Variants in ST6GALNAC3 observed in about 807,000 individuals in gnomAD.
ST6GALNAC3 encodes alpha-N-acetylgalactosaminide alpha-2,6-sialyltransferase 3.
A neutral mutation model predicts 32.7 loss-of-function variants in ST6GALNAC3; 25 were observed. The ratio of observed to expected loss-of-function variants is 0.76; its 90% CI spans 0.56 to 1.07. The LOEUF is 1.07. Among genes scored for constraint, ST6GALNAC3 ranks in the 50% least tolerant of loss-of-function variants. ST6GALNAC3 has a pLI of 0.00. For missense variants in ST6GALNAC3, 355 were observed against 382.4 expected (o/e 0.93, Z 0.60); for synonymous variants, 129 against 133.1 (o/e 0.97, Z 0.21).
chr1:76,195,320 C>T (rs753114935), intron 1 of ST6GALNAC3, among the ~76,000 whole-genome samples: 1 of 152,168 alleles, frequency 6.6e-6, no homozygotes, highest in Non-Finnish European at 1.5e-5. Context: ...TTTGAGTTTG[C>T]AACTCAAACA....
chr1:76,235,322 AT>A, intron 1 of ST6GALNAC3, among the ~76,000 whole-genome samples: 1 of 152,158 alleles, frequency 6.6e-6, no homozygotes, highest in East Asian at 1.9e-4. Flanking sequence ...CCTGGGCAGT[AT>A]GGTGAGAACC....
chr1:76,193,838 C>T (rs1034576699), intron 1 of ST6GALNAC3, among the ~76,000 whole-genome samples: 1 of 152,156 alleles, frequency 6.6e-6, no homozygotes, highest in African/African-American at 2.4e-5. Context: ...TTCTTCATGG[C>T]CTCCTTCTTA....
In ST6GALNAC3 at chr1:76,398,459, C is replaced by T. The variant is rs180941116; in HGVS notation, c.214-13549C>T. On this transcript the variant is annotated intron_variant, in intron 2 of 4. Transcript: ENST00000328299. ...TTGGTTTCAAAATGATGTTCTTTACCGTGTTAAGAAAATATCCTACTTTTA... is the reference window on the plus strand; with the variant it reads ...TTGGTTTCAAAATGATGTTCTTTACTGTGTTAAGAAAATATCCTACTTTTA... Among the ~76,000 whole-genome samples, 81 of 152,056 alleles carry T rather than the reference C, an allele frequency of 5.3e-4. 1 individual carries two copies. The East Asian group carries it at 0.013, about 25-fold the overall frequency.
intron 3 of ST6GALNAC3, among the ~76,000 whole-genome samples, chr1:76,559,184 A>T (rs1665101781): frequency 6.6e-6 from 1 of 152,168 alleles, no homozygotes; most frequent in Non-Finnish European, 1.5e-5. Flanking sequence ...TGGTTCAAGA[A>T]GGCCAAATCT....
chr1:76,477,631 C>G (rs1659440412), intron 3 of ST6GALNAC3, among the ~76,000 whole-genome samples: 1 of 152,116 alleles, frequency 6.6e-6, no homozygotes, highest in Non-Finnish European at 1.5e-5. Context: ...CACATTTGTC[C>G]CTGTGCCCAG....
intron 1 of ST6GALNAC3, among the ~76,000 whole-genome samples, chr1:76,288,395 A>G (rs925705492): frequency 6.6e-6 from 1 of 152,198 alleles, no homozygotes; most frequent in Non-Finnish European, 1.5e-5. Context: ...AGCAAACTAC[A>G]TCAGAGACCA....
intron 3 of ST6GALNAC3, among the ~76,000 whole-genome samples, chr1:76,446,519 C>T (rs948238456): frequency 5.9e-5 from 9 of 152,178 alleles, no homozygotes; most frequent in South Asian, 2.1e-4. Context: ...CTGGCGACCA[C>T]GGATCTTGTT....
intron 3 of ST6GALNAC3, among the ~76,000 whole-genome samples, chr1:76,542,495 G>T (rs1239286481): frequency 6.6e-6 from 1 of 152,122 alleles, no homozygotes; most frequent in Non-Finnish European, 1.5e-5. Context: ...CTCAGGCAGA[G>T]GCTGGGACTG....
chr1:76,402,519 G>A (rs116448881), intron 2 of ST6GALNAC3, among the ~76,000 whole-genome samples: 4,926 of 152,158 alleles, frequency 0.032, 93 homozygotes, highest in South Asian at 0.042. Context: ...CTGACTAGCT[G>A]CTTTCTTCAT....
intron 3 of ST6GALNAC3, among the ~76,000 whole-genome samples, chr1:76,579,057 C>T (rs568041583): frequency 2.0e-5 from 3 of 152,150 alleles, no homozygotes; most frequent in African/African-American, 7.2e-5. Flanking sequence ...GAAAACCAGA[C>T]TATTATATGT....
Position 76,217,052 on chromosome 1 carries a change from A to G in ST6GALNAC3, c.19-96753A>G, listed in dbSNP as rs780494800. Reference sequence around the variant, plus strand: ...GCCTTTTAAGATAACACCTCATTTTAATTTCATACATGATTAAATCCATCA... The same window carrying G: ...GCCTTTTAAGATAACACCTCATTTTGATTTCATACATGATTAAATCCATCA... On this transcript the variant is annotated intron_variant, in intron 1 of 4. Transcript: ENST00000328299. Among the ~76,000 whole-genome samples the G allele has an allele frequency of 2.0e-5, 3 of 152,372 alleles. No homozygotes were observed. The East Asian group carries it at 5.8e-4, about 29-fold the overall frequency.
chr1:76,079,491 G>A (rs912225577), intron 1 of ST6GALNAC3, among the ~76,000 whole-genome samples: 34 of 152,140 alleles, frequency 2.2e-4, no homozygotes, highest in Admixed American at 1.2e-3. Flanking sequence ...GACATTGAGT[G>A]GACATGTAGA....
intron 1 of ST6GALNAC3, among the ~76,000 whole-genome samples, chr1:76,122,424 G>A (rs1052181871): frequency 6.6e-6 from 1 of 152,106 alleles, no homozygotes; most frequent in Non-Finnish European, 1.5e-5. Context: ...CTGCTCAGAG[G>A]CAGGCAGGTG....
At position 76,468,068 on chromosome 1, in the gene ST6GALNAC3, T is replaced by C. The variant is rs1449492946; in HGVS notation, c.623+55651T>C. On this transcript the variant is annotated intron_variant, in intron 3 of 4. Coordinates refer to ENST00000328299, the MANE Select transcript of ST6GALNAC3 (RefSeq NM_152996.4). ...TTTGCTAAAATTAGGGTGTCATATATACCAGAATCAATCAATTCTTCCTTC... is the reference window on the plus strand; with the variant it reads ...TTTGCTAAAATTAGGGTGTCATATACACCAGAATCAATCAATTCTTCCTTC... Among the ~76,000 whole-genome samples, 6 of 151,934 alleles carry C rather than the reference T, an allele frequency of 3.9e-5. No homozygotes were observed. The East Asian group carries it at 1.2e-3, about 29-fold the overall frequency.
At chr1:76,329,794 CTCTT>C (rs1030224433) in intron 2 of ST6GALNAC3, among the ~76,000 whole-genome samples, 2 of 140,888 alleles carry the variant, frequency 1.4e-5, no homozygotes, top group African/African-American at 5.6e-5. Flanking sequence ...CTCTTTCTCT[CTCTT>C]TATTTATTTA....
chr1:76,257,327 C>G (rs1328034724), intron 1 of ST6GALNAC3, among the ~76,000 whole-genome samples: 1 of 152,048 alleles, frequency 6.6e-6, no homozygotes, highest in East Asian at 1.9e-4. Context: ...ACTGACGGGA[C>G]TTATAATAGT....
chr1:76,375,783 A>G (rs886722009), intron 2 of ST6GALNAC3, among the ~76,000 whole-genome samples: 14 of 152,252 alleles, frequency 9.2e-5, no homozygotes, highest in Non-Finnish European at 2.9e-5. Context: ...TAAATAAATC[A>G]GGATTTATTC....
intron 3 of ST6GALNAC3, among the ~76,000 whole-genome samples, chr1:76,529,442 A>G (rs1026422796): frequency 1.3e-5 from 2 of 152,182 alleles, no homozygotes; most frequent in Non-Finnish European, 2.9e-5. Flanking sequence ...ATGATTAACT[A>G]GCAGCCAAGT....
chr1:76,473,035 T>G (rs1277511604), intron 3 of ST6GALNAC3, among the ~76,000 whole-genome samples: 1 of 152,110 alleles, frequency 6.6e-6, no homozygotes, highest in East Asian at 1.9e-4. Flanking sequence ...AGAAGGGGCT[T>G]CTTGTTCTCT....
Sources: allele counts gnomAD v4.1 joint callset (sites outside exome capture counted in the v4.1 genomes callset), GRCh38; gene constraint gnomAD v4.1.1; transcripts MANE v1.5; gene names NCBI Gene and HGNC (gene_info 2026-07-23, HGNC 2026-07-21).